Variants in IFT56 observed in about 807,000 individuals in gnomAD.
The protein encoded by IFT56 is intraflagellar transport 56.
At chr7:139,171,202 A>C in the IFT56 span, among the ~76,000 whole-genome samples, 1 of 152,238 alleles carries the variant, frequency 6.6e-6, no homozygotes, top group Admixed American at 6.5e-5. Flanking sequence ...AGGACACACA[A>C]AAAAGGAAAG....
chr7:139,185,002 C>T, the IFT56 span, among the ~76,000 whole-genome samples: 1 of 149,368 alleles, frequency 6.7e-6, no homozygotes, highest in Non-Finnish European at 1.5e-5. Flanking sequence ...TGCAGTGAGC[C>T]GAGATCGCGC....
At chr7:139,134,763 G>A in the IFT56 span, 1 of 1,614,034 alleles carries the variant, frequency 6.2e-7, no homozygotes, top group South Asian at 1.1e-5. Context: ...TTCAAAAAGA[G>A]ATTTCACTGG....
chr7:139,158,376 A>G, the IFT56 span, among the ~76,000 whole-genome samples: 5 of 151,532 alleles, frequency 3.3e-5, no homozygotes, highest in African/African-American at 1.2e-4. Context: ...ATCTCAAAGG[A>G]AAAGCTTTTG....
chr7:139,168,095 A>G, the IFT56 span, among the ~76,000 whole-genome samples: 1 of 152,088 alleles, frequency 6.6e-6, no homozygotes, highest in African/African-American at 2.4e-5. Context: ...TGGAGCTTCC[A>G]CTAAATTATT....
the IFT56 span, chr7:139,173,138 A>G: frequency 1.5e-6 from 1 of 673,614 alleles, no homozygotes; most frequent in Non-Finnish European, 2.7e-6. Context: ...GGATTCAACA[A>G]AGGCAGGCTG....
At chr7:139,138,407 A>G in the IFT56 span, among the ~76,000 whole-genome samples, 3 of 152,354 alleles carry the variant, frequency 2.0e-5, no homozygotes, top group Non-Finnish European at 4.4e-5. Context: ...GTGTAAGTAT[A>G]GGAAAAAAAC....
chr7:139,154,508 T>G, the IFT56 span, among the ~76,000 whole-genome samples: 1 of 152,192 alleles, frequency 6.6e-6, no homozygotes, highest in African/African-American at 2.4e-5. Flanking sequence ...GAATTAACAT[T>G]TGTAAATGGC....
At chr7:139,133,981 C>G in the IFT56 span, 1 of 1,214,466 alleles carries the variant, frequency 8.2e-7, no homozygotes, top group South Asian at 1.2e-5. Context: ...CCCCAGCTCT[C>G]CCTGTGTTCC....
the IFT56 span, among the ~76,000 whole-genome samples, chr7:139,185,053 CAA>C: frequency 1.4e-4 from 16 of 111,446 alleles, no homozygotes; most frequent in East Asian, 4.9e-4. Context: ...GACTCCATCT[CAA>C]AAAAAAAAAA....
chr7:139,162,730 G>A, the IFT56 span, among the ~76,000 whole-genome samples: 538 of 152,202 alleles, frequency 3.5e-3, 1 homozygote, highest in Non-Finnish European at 6.1e-3. Flanking sequence ...GGAGGCCAAG[G>A]CGGGTGGATC....
chr7:139,189,423 G>A, the IFT56 span: 1 of 1,610,604 alleles, frequency 6.2e-7, no homozygotes, highest in Non-Finnish European at 8.5e-7. Context: ...AAAACAGAGT[G>A]TCCATCTAAA....
chr7:139,142,173 A>C, the IFT56 span: 1 of 1,426,348 alleles, frequency 7.0e-7, no homozygotes, highest in Admixed American at 1.7e-5. Context: ...GTTTGGGAAG[A>C]TTCATCCGAG....
the IFT56 span, among the ~76,000 whole-genome samples, chr7:139,158,562 C>T: frequency 4.6e-5 from 7 of 152,146 alleles, no homozygotes; most frequent in Non-Finnish European, 5.9e-5. Flanking sequence ...TCTATTAAGA[C>T]GGTCATATCA....
At chr7:139,147,408 G>C in the IFT56 span, 1 of 861,368 alleles carries the variant, frequency 1.2e-6, no homozygotes, top group Admixed American at 2.7e-5. Context: ...AATCTGTTTA[G>C]TTGATAATTT....
the IFT56 span, among the ~76,000 whole-genome samples, chr7:139,135,005 G>T: frequency 6.6e-6 from 1 of 152,162 alleles, no homozygotes; most frequent in African/African-American, 2.4e-5. Context: ...ACTTGGCCGG[G>T]CGCGGTGGCT....
the IFT56 span, among the ~76,000 whole-genome samples, chr7:139,180,760 T>C: frequency 3.3e-5 from 5 of 152,162 alleles, no homozygotes; most frequent in Non-Finnish European, 7.3e-5. Context: ...GAGGAAAATT[T>C]AGCAATCGTA....
the IFT56 span, among the ~76,000 whole-genome samples, chr7:139,136,955 AT>A: frequency 6.6e-6 from 1 of 152,216 alleles, no homozygotes; most frequent in Admixed American, 6.5e-5. Context: ...AATTCATAGC[AT>A]TTGGTATGAG....
chr7:139,181,129 T>A, the IFT56 span: 9 of 1,612,350 alleles, frequency 5.6e-6, no homozygotes, highest in Non-Finnish European at 7.6e-6. Context: ...CCTGGGAACT[T>A]TATCTTAAGA....
At chr7:139,180,277 A>C in the IFT56 span, among the ~76,000 whole-genome samples, 1 of 152,210 alleles carries the variant, frequency 6.6e-6, no homozygotes, top group South Asian at 2.1e-4. Flanking sequence ...GCGGAGCTGC[A>C]GTGAGGGGAG....
Sources: gnomAD v4.1 joint callset for allele counts (sites outside exome capture counted in the v4.1 genomes callset) on GRCh38, gnomAD v4.1.1 for gene constraint, MANE v1.5 for transcripts, NCBI Gene and HGNC (gene_info 2026-07-23, HGNC 2026-07-21) for gene names.